The following POLR3A variants were observed in gnomAD, a reference collection of about 807,000 sequenced individuals.
POLR3A encodes RNA polymerase III subunit A, also known as DNA-directed RNA polymerase III subunit RPC1.
In POLR3A, 112 loss-of-function variants were observed where a neutral mutation model predicts 152.8. The observed-to-expected ratio is 0.73, with a 90% CI of 0.63 to 0.86. POLR3A has a LOEUF of 0.86. Among genes scored for constraint, POLR3A ranks in the 40% least tolerant of loss-of-function variants. The probability of loss-of-function intolerance (pLI) is 0.00; values close to 1 mark genes in which losing one functional copy is unlikely to be tolerated. For synonymous variants in POLR3A, 615 were observed against 652.1 expected, an observed-to-expected ratio of 0.94 and a Z score of 0.87; for missense variants, 1,385 against 1,743.1, an observed-to-expected ratio of 0.79 and a Z score of 3.66.
At chr10:77,982,922 C>A (rs1432753093) in intron 26 of POLR3A, 105 bp from the exon 27 acceptor site, 6 of 910,028 alleles carry the variant, frequency 6.6e-6, no homozygotes, top group South Asian at 2.7e-5. Flanking sequence ...GTTCTAAGCA[C>A]CCCCCACCCG....
At chr10:78,026,974 A>G (rs1847641651) in intron 1 of POLR3A, among the ~76,000 whole-genome samples, 4 of 152,210 alleles carry the variant, frequency 2.6e-5, no homozygotes, top group Admixed American at 2.6e-4. Context: ...ACCATCCTAC[A>G]GGCTGAGGAT....
At chr10:77,998,068 A>G (rs990212478) in intron 19 of POLR3A, among the ~76,000 whole-genome samples, 7 of 152,194 alleles carry the variant, frequency 4.6e-5, no homozygotes, top group Non-Finnish European at 1.0e-4. Flanking sequence ...TTCCCTATTT[A>G]ATAAATGGTG....
chr10:78,001,653 TAGA>T (rs1847358591), intron 17 of POLR3A, among the ~76,000 whole-genome samples: 1 of 152,184 alleles, frequency 6.6e-6, no homozygotes, highest in African/African-American at 2.4e-5. Context: ...ATCTACAAAA[TAGA>T]AGAATTATGC....
intron 10 of POLR3A, among the ~76,000 whole-genome samples, chr10:78,016,578 G>T (rs995719226): frequency 2.0e-5 from 3 of 152,044 alleles, no homozygotes; most frequent in African/African-American, 4.8e-5. Context: ...GCTGGGCGTG[G>T]TGGCATGCAC....
intron 14 of POLR3A, among the ~76,000 whole-genome samples, chr10:78,008,579 A>T (rs1175620658): frequency 6.6e-6 from 1 of 152,200 alleles, no homozygotes; most frequent in Non-Finnish European, 1.5e-5. Flanking sequence ...CTGCTAGGGA[A>T]CTGTTTGGTA....
At chr10:78,016,411 A>T (rs1198253137) in intron 10 of POLR3A, among the ~76,000 whole-genome samples, 1 of 122,492 alleles carries the variant, frequency 8.2e-6, no homozygotes, top group African/African-American at 3.6e-5. Flanking sequence ...TCCACTTATT[A>T]AAAAAAAAAA....
At chr10:77,993,103 T>C (rs1847264792) in intron 20 of POLR3A, 94 bp downstream of exon 20, 1 of 926,396 alleles carries the variant, frequency 1.1e-6, no homozygotes. Flanking sequence ...TACTGAAGTA[T>C]TTATTAACTG....
Position 78,025,119 on chromosome 10 carries a change from G to A in POLR3A, c.342C>T (p.His114=), listed in dbSNP as rs538367529. The change falls in exon 4 of 31, where the codon CAC becomes CAT. Residue 114 remains histidine (H), a synonymous_variant. Transcript: ENST00000372371. ...TCTTCTCCTCTTGGGACAGCATGAT[G>A]TGGCAGCAGGTTTTGCAGATCATCT... ...ILQMICKTCC[H]IMLSQEEKKQ... is the part of the protein sequence containing the mutation. 2 of 1,614,204 alleles carry A rather than the reference G, an allele frequency of 1.2e-6. No homozygotes were observed. Among genetic ancestry groups the A allele is most frequent in the East Asian group, 4.5e-5 (2 of 44,892 alleles).
At chr10:78,007,918 T>C (rs1271452014) in intron 14 of POLR3A, 52 bp from the exon 15 acceptor site, 1 of 1,497,886 alleles carries the variant, frequency 6.7e-7, no homozygotes, top group Non-Finnish European at 9.2e-7. Context: ...CTTTGCCTTA[T>C]TCCAAAATGA....
chr10:78,019,667 G>C (rs1431059434), intron 8 of POLR3A: 1 of 276,126 alleles, frequency 3.6e-6, no homozygotes, highest in Admixed American at 4.9e-5. Context: ...GGTCTGCATT[G>C]AATGTGTTCT....
chr10:77,998,034 G>C (rs1395219745), intron 19 of POLR3A, among the ~76,000 whole-genome samples: 10 of 152,034 alleles, frequency 6.6e-5, no homozygotes, highest in South Asian at 6.2e-4. Flanking sequence ...ACAAACCTGA[G>C]AAAAACAAGC....
chr10:77,977,764 T>C, intron 30 of POLR3A, 138 bp from the exon 31 acceptor site: 1 of 742,018 alleles, frequency 1.3e-6, no homozygotes. Flanking sequence ...CTTTGGCAAA[T>C]CCCTTTCCTT....
At chr10:77,995,531 C>T (rs1292989812) in intron 19 of POLR3A, among the ~76,000 whole-genome samples, 1 of 152,008 alleles carries the variant, frequency 6.6e-6, no homozygotes, top group African/African-American at 2.4e-5. Context: ...ATAAAACAGA[C>T]TTTAAACCAA....
At chr10:78,026,328 G>T in intron 1 of POLR3A, 99 bp from the exon 2 acceptor site, 1 of 1,193,072 alleles carries the variant, frequency 8.4e-7, no homozygotes, top group Non-Finnish European at 1.2e-6. Context: ...CCTTCCAACT[G>T]TCTCCACTGG....
Position 78,013,772 on chromosome 10 carries a change from G to C in POLR3A, c.1450C>G (p.Arg484Gly). ...MAHLARVKPH[R>G]TFRFNECVCT... ...ACACACTCATTAAATCTGAAGGTCC[G>C]GTGGGGCTTGACCCTGGCCTGTGGA... Residue 484 changes from arginine to glycine, a missense_variant, in exon 11 of 31, where the codon CGG becomes GGG. This residue lies in a region of POLR3A where 493 missense variants were observed against 647.5 expected (regional missense o/e 0.76). Coordinates refer to ENST00000372371, the MANE Select transcript of POLR3A (RefSeq NM_007055.4). The C allele has an allele frequency of 3.7e-6, 6 of 1,614,122 alleles. No individual in the cohort carries two copies. The highest frequency in any genetic ancestry group is 4.2e-6 in the Non-Finnish European group (5 of 1,180,024).
chr10:78,011,082 A>C (rs1847462583), intron 11 of POLR3A, among the ~76,000 whole-genome samples: 1 of 152,106 alleles, frequency 6.6e-6, no homozygotes, highest in Non-Finnish European at 1.5e-5. Flanking sequence ...TCCTGGGCTC[A>C]ACTGATCCTC....
chr10:78,015,520 G>T (rs1244574492), intron 10 of POLR3A, among the ~76,000 whole-genome samples: 2 of 152,008 alleles, frequency 1.3e-5, no homozygotes, highest in African/African-American at 4.8e-5. Flanking sequence ...TAAAGATGGG[G>T]TTTCATTATG....
chr10:78,024,264 T>C (rs1847607701), intron 5 of POLR3A, among the ~76,000 whole-genome samples: 1 of 150,236 alleles, frequency 6.7e-6, no homozygotes, highest in Admixed American at 6.8e-5. Flanking sequence ...CTTGGGAGGC[T>C]GAAGCAGAAG....
chr10:77,978,436 G>T (rs1281243083), intron 30 of POLR3A, among the ~76,000 whole-genome samples: 3 of 152,170 alleles, frequency 2.0e-5, no homozygotes, highest in African/African-American at 7.2e-5. Context: ...GGGTGGCAGT[G>T]CCAGGCAGTC....
Sources: gnomAD v4.1 joint callset for allele counts (sites outside exome capture counted in the v4.1 genomes callset) on GRCh38, gnomAD v4.1.1 for gene constraint, gnomAD v4.1.1 regional missense constraint, MANE v1.5 for transcripts, NCBI Gene and HGNC (gene_info 2026-07-23, HGNC 2026-07-21) for gene names.